The following CSMD1 variants were observed in gnomAD, a reference collection of about 807,000 sequenced individuals.
The protein encoded by CSMD1 is CUB and Sushi multiple domains 1, also known as CUB and sushi domain-containing protein 1.
CSMD1 carries 213 observed loss-of-function variants against 417.5 expected under a neutral mutation model. The observed-to-expected ratio is 0.51, with a 90% confidence interval of 0.46 to 0.57. CSMD1 has a LOEUF of 0.57. Among genes scored for constraint, CSMD1 ranks in the 20% least tolerant of loss-of-function variants. CSMD1 has a pLI of 0.00. For missense variants in CSMD1, 6,923 were observed against 4,529.7 expected (o/e 1.53, Z -15.17); for synonymous variants, 2,862 against 1,736.8 (o/e 1.65, Z -16.11).
chr8:3,302,039 T>C (rs718121), intron 25 of CSMD1, among the ~76,000 whole-genome samples: 74,490 of 151,900 alleles, frequency 0.49, 20,811 homozygotes, highest in Non-Finnish European at 0.63. Context: ...TGGGAAATTA[T>C]TGGATATTGA....
At chr8:3,539,098 C>A (rs943208676) in intron 10 of CSMD1, among the ~76,000 whole-genome samples, 1 of 152,178 alleles carries the variant, frequency 6.6e-6, no homozygotes, top group Non-Finnish European at 1.5e-5. Flanking sequence ...TGCCCCAGTC[C>A]CTTTCCCTGC....
chr8:4,117,769 C>T (rs1802241496), intron 3 of CSMD1, among the ~76,000 whole-genome samples: 1 of 152,018 alleles, frequency 6.6e-6, no homozygotes, highest in African/African-American at 2.4e-5. Flanking sequence ...AGAAACACAC[C>T]AGGCCCATTC....
intron 5 of CSMD1, among the ~76,000 whole-genome samples, chr8:3,782,014 G>C (rs982555306): frequency 7.0e-6 from 1 of 142,268 alleles, no homozygotes. Flanking sequence ...ATTTTTTAAG[G>C]GATAATTTAA....
At chr8:3,541,221 G>C (rs1170529858) in intron 10 of CSMD1, among the ~76,000 whole-genome samples, 1 of 152,198 alleles carries the variant, frequency 6.6e-6, no homozygotes, top group Non-Finnish European at 1.5e-5. Context: ...GAGATCACGT[G>C]CTTTGCAGGA....
chr8:3,624,224 A>G (rs1403746258), intron 7 of CSMD1, among the ~76,000 whole-genome samples: 1 of 152,214 alleles, frequency 6.6e-6, no homozygotes, highest in African/African-American at 2.4e-5. Flanking sequence ...ATGGGAAGCC[A>G]TATGGTTTCA....
chr8:3,140,038 G>C (rs999536868), intron 41 of CSMD1, among the ~76,000 whole-genome samples: 1 of 151,924 alleles, frequency 6.6e-6, no homozygotes, highest in South Asian at 2.1e-4. Flanking sequence ...GAGTAGCTGG[G>C]ATTACAGGCG....
intron 37 of CSMD1, among the ~76,000 whole-genome samples, chr8:3,174,806 A>T (rs1409963330): frequency 1.3e-5 from 2 of 151,512 alleles, no homozygotes; most frequent in Non-Finnish European, 2.9e-5. Flanking sequence ...TTTCCATTAA[A>T]TTTTTTTTTA....
chr8:3,015,715 G>C (rs1411944136), intron 52 of CSMD1, among the ~76,000 whole-genome samples: 1 of 151,932 alleles, frequency 6.6e-6, no homozygotes, highest in Non-Finnish European at 1.5e-5. Flanking sequence ...GGTTACTCAA[G>C]GACATTTAAC....
chr8:4,286,393 G>C (rs1327372454), intron 3 of CSMD1, among the ~76,000 whole-genome samples: 1 of 152,086 alleles, frequency 6.6e-6, no homozygotes, highest in Admixed American at 6.5e-5. Flanking sequence ...CCTTCACCAA[G>C]GGCTTCAGTT....
Position 4,400,089 on chromosome 8 carries a change from C to T in CSMD1, c.415+19864G>A, listed in dbSNP as rs753236288. On this transcript the variant is annotated intron_variant, in intron 3 of 69. Transcript: ENST00000635120. Reference sequence around the variant, plus strand: ...GCATGCCAAAAGAGAGATCTAAATACGAGTACATTAAAATAGTGTATACTC... The same window carrying T: ...GCATGCCAAAAGAGAGATCTAAATATGAGTACATTAAAATAGTGTATACTC... Among the ~76,000 whole-genome samples, 12 of 152,106 alleles carry T rather than the reference C, an allele frequency of 7.9e-5. No individual in the cohort carries two copies. In the Middle Eastern group the frequency reaches 0.01, roughly 129 times the overall value.
chr8:4,658,790 C>G (rs1157577109), intron 1 of CSMD1, among the ~76,000 whole-genome samples: 1 of 152,050 alleles, frequency 6.6e-6, no homozygotes, highest in East Asian at 1.9e-4. Context: ...AAAACAATCA[C>G]CACACATCTG....
intron 3 of CSMD1, among the ~76,000 whole-genome samples, chr8:4,201,540 C>CAAAAAAAAAAAAAAAAA (rs1157479482): frequency 3.4e-5 from 2 of 59,030 alleles, no homozygotes; most frequent in Non-Finnish European, 5.6e-5. Context: ...TCTGTCTCCA[C>CAAAAAAAAAAAAAAAAA]AAAAAAAAAA....
At chr8:3,875,895 A>G (rs1230222016) in intron 5 of CSMD1, among the ~76,000 whole-genome samples, 1 of 152,202 alleles carries the variant, frequency 6.6e-6, no homozygotes, top group Non-Finnish European at 1.5e-5. Flanking sequence ...GGAAATCACA[A>G]GCAAATTTCC....
chr8:4,032,343 T>C (rs79812690), intron 3 of CSMD1, among the ~76,000 whole-genome samples: 7,501 of 152,164 alleles, frequency 0.049, 631 homozygotes, highest in African/African-American at 0.17. Flanking sequence ...GAGAGAAAAA[T>C]ATAGTCCTGC....
At chr8:4,739,847 C>T (rs557022162) in intron 1 of CSMD1, among the ~76,000 whole-genome samples, 65 of 152,240 alleles carry the variant, frequency 4.3e-4, no homozygotes, top group African/African-American at 1.5e-3. Context: ...CCCCATCCAC[C>T]GTTCCTACTC....
intron 11 of CSMD1, among the ~76,000 whole-genome samples, chr8:3,481,292 A>C (rs1817737205): frequency 6.6e-6 from 1 of 152,268 alleles, no homozygotes; most frequent in South Asian, 2.1e-4. Context: ...AAGAGAAAAA[A>C]CAAGAGGAAT....
intron 10 of CSMD1, among the ~76,000 whole-genome samples, chr8:3,517,913 C>T (rs1397029454): frequency 6.6e-6 from 1 of 152,094 alleles, no homozygotes; most frequent in Non-Finnish European, 1.5e-5. Context: ...GAGTTCGGGG[C>T]CTCCTTCCAC....
chr8:3,390,182 CTG>C (rs1396397350), intron 17 of CSMD1, among the ~76,000 whole-genome samples: 6 of 151,802 alleles, frequency 4.0e-5, no homozygotes, highest in Admixed American at 3.9e-4. Context: ...TGATGAAAAC[CTG>C]TCTCTGCTAA....
intron 49 of CSMD1, among the ~76,000 whole-genome samples, chr8:3,065,295 ATAGATAGG>A (rs1812856809): frequency 7.2e-6 from 1 of 139,318 alleles, no homozygotes; most frequent in African/African-American, 2.7e-5. Context: ...AGATAGATAG[ATAGATAGG>A]TAGATAGATA....
Sources: allele counts gnomAD v4.1 joint callset (sites outside exome capture counted in the v4.1 genomes callset), GRCh38; gene constraint gnomAD v4.1.1; transcripts MANE v1.5; gene names NCBI Gene and HGNC (gene_info 2026-07-23, HGNC 2026-07-21).